The following DNAH11 variants were observed in gnomAD, a reference collection of about 807,000 sequenced individuals.
The protein encoded by DNAH11 is axonemal beta dynein heavy chain 11.
In DNAH11, 442 loss-of-function variants were observed where a neutral mutation model predicts 526.0. The ratio of observed to expected loss-of-function variants is 0.84; its 90% CI spans 0.78 to 0.91. DNAH11 has a LOEUF of 0.91. Ranked by LOEUF, DNAH11 falls within the 40% of genes least tolerant of loss-of-function variation. The pLI is 0.00. For missense variants in DNAH11, 6,989 were observed against 5,448.7 expected, an observed-to-expected ratio of 1.28 and a Z score of -8.90; for synonymous variants, 2,461 against 1,935.9, an observed-to-expected ratio of 1.27 and a Z score of -7.12.
chr7:21,737,798 G>A (rs1402477308), intron 46 of DNAH11, among the ~76,000 whole-genome samples: 6 of 152,168 alleles, frequency 3.9e-5, no homozygotes, highest in Admixed American at 1.3e-4. Context: ...TGCGAGTGAG[G>A]GAGAGATGAT....
rs1202919500 is a variant in DNAH11 at position 21,778,983 on chromosome 7, C to A, written c.9362C>A (p.Ala3121Asp). The change falls in exon 57 of 82, where the codon GCC becomes GAC. Residue 3121 changes from alanine to aspartate, a missense_variant. Transcript: ENST00000409508. ...SQVGDLKARLASQEAELQLRN... is the reference protein window; with the variant it reads ...SQVGDLKARLDSQEAELQLRN... ...GTGGGAGATCTAAAAGCCAGACTTG[C>A]CTCTCAAGAAGCCGAGCTGCAACTG... 1.2e-6 allele frequency: 2 copies of A among 1,613,130 alleles called. No individual in the cohort carries two copies. The highest frequency in any genetic ancestry group is 1.1e-5 in the South Asian group (1 of 91,004).
intron 46 of DNAH11, among the ~76,000 whole-genome samples, chr7:21,736,474 A>C (rs1010715543): frequency 1.2e-4 from 18 of 151,888 alleles, no homozygotes; most frequent in Admixed American, 2.6e-4. Flanking sequence ...GGGCAACCAG[A>C]CTCTCTGATA....
intron 30 of DNAH11, among the ~76,000 whole-genome samples, chr7:21,664,891 G>A (rs1782366707): frequency 6.6e-6 from 1 of 152,110 alleles, no homozygotes; most frequent in Non-Finnish European, 1.5e-5. Context: ...GCTTGAGGGA[G>A]TATGAGAGGC....
Position 21,593,241 on chromosome 7 carries a change from G to A in DNAH11, c.2667+1664G>A, listed in dbSNP as rs368223615. Among the ~76,000 whole-genome samples, 302 of 152,262 alleles carry A rather than the reference G, an allele frequency of 2.0e-3. 2 individuals carry two copies. In the Middle Eastern group the frequency reaches 0.038, roughly 19 times the overall value. ...GAGCTCAACTCTGTCCCATCCTGAC[G>A]TAGGACCTGAAAATAAAGACGGAGG... On this transcript the variant is annotated intron_variant, in intron 14 of 81. Transcript: ENST00000409508.
chr7:21,543,610 G>T lies in DNAH11; in HGVS notation c.351+14G>T. ...GCTTCCCAGGAGGTAAGAGGCGACG[G>T]GCAAGGGGACCTGCCCATCCAACAA... On this transcript the variant is annotated intron_variant, in intron 1 of 81. Coordinates refer to ENST00000409508, the MANE Select transcript of DNAH11 (RefSeq NM_001277115.2). 1.9e-6 allele frequency: 3 copies of T among 1,573,468 alleles called. No homozygotes were observed. Among genetic ancestry groups the T allele is most frequent in the Non-Finnish European group, 2.6e-6 (3 of 1,158,874 alleles).
chr7:21,857,458 T>C (rs559530927), intron 68 of DNAH11, among the ~76,000 whole-genome samples: 4 of 152,104 alleles, frequency 2.6e-5, no homozygotes, highest in Non-Finnish European at 5.9e-5. Context: ...TTCCTTTTGG[T>C]AGAAATTGGC....
chr7:21,867,743 A>T, intron 71 of DNAH11, 116 bp from the exon 72 acceptor site: 1 of 866,250 alleles, frequency 1.2e-6, no homozygotes. Flanking sequence ...AAGACATCCC[A>T]TGTAATAAAC....
In DNAH11 at chr7:21,787,551, G is replaced by T. The variant is rs1409497106; in HGVS notation, c.9892G>T (p.Ala3298Ser). The T allele has an allele frequency of 1.9e-6, 3 of 1,611,796 alleles. No individual in the cohort carries two copies. The change falls in exon 60 of 82, where the codon GCC becomes TCC. Residue 3298 changes from alanine to serine, a missense_variant. By Grantham distance (99) the Ala-to-Ser change is moderately conservative (BLOSUM62 1). Transcript: ENST00000409508. The part of the protein sequence containing the change: ...TKSFAAAGLC[A>S]WVINIIKFYE... ...ATCTTTTGCAGCAGCTGGCCTGTGTGCCTGGGTCATCAACATCATTAAATT... is the reference window on the plus strand; with the variant it reads ...ATCTTTTGCAGCAGCTGGCCTGTGTTCCTGGGTCATCAACATCATTAAATT...
rs373938506 is a variant in DNAH11, at chr7:21,735,712, C to T, written c.7513C>T (p.Pro2505Ser). The change falls in exon 46 of 82, where the codon CCT becomes TCT. Residue 2505 changes from proline to serine, a missense_variant. Coordinates refer to ENST00000409508, the MANE Select transcript of DNAH11 (RefSeq NM_001277115.2). ...FMELLLEKGK[P>S]LMLVGNAGVG... ...GGAGTTGTTGCTTGAGAAAGGAAAA[C>T]CTCTAATGCTAGTAGGAAATGCAGG... 20 of 1,613,844 alleles carry T rather than the reference C, an allele frequency of 1.2e-5. No individual in the cohort carries two copies. The highest frequency in any genetic ancestry group is 1.5e-5 in the Non-Finnish European group (18 of 1,179,844).
At chr7:21,888,072 T>C (rs148061623) in intron 76 of DNAH11, among the ~76,000 whole-genome samples, 2 of 152,326 alleles carry the variant, frequency 1.3e-5, no homozygotes, top group East Asian at 3.9e-4. Flanking sequence ...CTGGTTCTGC[T>C]ACTGACTTGC....
intron 6 of DNAH11, among the ~76,000 whole-genome samples, chr7:21,567,906 C>T (rs1364553963): frequency 6.6e-6 from 1 of 152,168 alleles, no homozygotes; most frequent in East Asian, 1.9e-4. Flanking sequence ...GGTAACCTGA[C>T]ACTACTCCAT....
At chr7:21,603,314 A>G (rs922108134) in intron 18 of DNAH11, among the ~76,000 whole-genome samples, 7 of 152,202 alleles carry the variant, frequency 4.6e-5, no homozygotes, top group Non-Finnish European at 8.8e-5. Flanking sequence ...TCGTCTGTCA[A>G]TGGACATTTG....
chr7:21,657,297 G>A (rs533613883), intron 29 of DNAH11, among the ~76,000 whole-genome samples: 1 of 152,280 alleles, frequency 6.6e-6, no homozygotes, highest in African/African-American at 2.4e-5. Flanking sequence ...GGGGAGTTCC[G>A]AAATGGCCCT....
At chr7:21,857,208 C>G (rs2106914) in intron 68 of DNAH11, among the ~76,000 whole-genome samples, 14,765 of 152,042 alleles carry the variant, frequency 0.097, 2,075 homozygotes, top group African/African-American at 0.3. Flanking sequence ...TGTCTTAGCA[C>G]TATTTACAGT....
chr7:21,818,011 C>T (rs1003738172), intron 64 of DNAH11, among the ~76,000 whole-genome samples: 8 of 152,002 alleles, frequency 5.3e-5, no homozygotes, highest in Admixed American at 3.9e-4. Context: ...AATTTCACTT[C>T]GAAAATATGA....
intron 30 of DNAH11, among the ~76,000 whole-genome samples, chr7:21,673,827 C>T (rs757577653): frequency 6.6e-6 from 1 of 152,232 alleles, no homozygotes; most frequent in South Asian, 2.1e-4. Flanking sequence ...ATTTCTACCA[C>T]TTGATTGAGT....
chr7:21,546,035 T>C (rs1054966002), intron 2 of DNAH11, among the ~76,000 whole-genome samples: 6 of 152,206 alleles, frequency 3.9e-5, no homozygotes, highest in African/African-American at 1.4e-4. Flanking sequence ...CAGTGAGCTT[T>C]GGGAGCCACT....
chr7:21,623,163 C>A (rs1387377689), intron 25 of DNAH11, among the ~76,000 whole-genome samples: 1 of 152,282 alleles, frequency 6.6e-6, no homozygotes, highest in Non-Finnish European at 1.5e-5. Context: ...AGGACATGAA[C>A]AGACACTTCT....
rs1433265310 is a variant in DNAH11 at position 21,894,714 on chromosome 7, A to G, written c.12842A>G (p.Tyr4281Cys). Residue 4281 changes from tyrosine to cysteine, a missense_variant, in exon 78 of 82, where the codon TAT becomes TGT. Transcript: ENST00000409508. ...IMQKNSNRSPYVLVCFQECER... is the reference protein window; with the variant it reads ...IMQKNSNRSPCVLVCFQECER... The stretch of plus-strand genomic sequence containing the variant: ...CAAAAAAATTCAAATAGAAGCCCAT[A>G]TGTTCTTGTTTGCTTCCAAGAATGT... The G allele has an allele frequency of 6.2e-7, 1 of 1,613,920 alleles. No individual in the cohort carries two copies. The highest frequency in any genetic ancestry group is 8.5e-7 in the Non-Finnish European group (1 of 1,179,864).
Sources: allele counts gnomAD v4.1 joint callset (sites outside exome capture counted in the v4.1 genomes callset), GRCh38; gene constraint gnomAD v4.1.1; transcripts MANE v1.5; gene names NCBI Gene and HGNC (gene_info 2026-07-23, HGNC 2026-07-21).